PHIP: variants seen among roughly 807,000 people sequenced by gnomAD.
PHIP encodes the protein PHIP subunit of CUL4-Ring ligase complex.
In PHIP, 54 loss-of-function variants were observed where a neutral mutation model predicts 236.8. The ratio of observed to expected loss-of-function variants is 0.23; its 90% CI spans 0.18 to 0.29. The LOEUF (loss-of-function observed/expected upper bound fraction) is 0.29. Among genes scored for constraint, PHIP ranks in the 10% least tolerant of loss-of-function variants. PHIP has a pLI of 1.00. For synonymous variants in PHIP, 756 were observed against 718.9 expected, an observed-to-expected ratio of 1.05 and a Z score of -0.83; for missense variants, 1,370 against 2,190.8, an observed-to-expected ratio of 0.63 and a Z score of 7.48.
intron 33 of PHIP, among the ~76,000 whole-genome samples, 153 bp from the exon 34 acceptor site, chr6:78,955,435 T>A (rs576525698): frequency 7.9e-5 from 12 of 151,878 alleles, no homozygotes; most frequent in Non-Finnish European, 1.6e-4. Flanking sequence ...GTTCCCCCCA[T>A]TAAAAAATTT....
At chr6:79,047,589 TAAGC>T (rs1772566849) in intron 6 of PHIP, among the ~76,000 whole-genome samples, 1 of 152,208 alleles carries the variant, frequency 6.6e-6, no homozygotes, top group Admixed American at 6.5e-5. Context: ...ATGGAGACTT[TAAGC>T]AAGTTACTCG....
intron 21 of PHIP, 85 bp downstream of exon 21, chr6:78,988,124 A>T: frequency 1.0e-6 from 1 of 985,246 alleles, no homozygotes; most frequent in Non-Finnish European, 1.4e-6. Flanking sequence ...ATCTACAAAC[A>T]TATCAATAAA....
chr6:78,995,008 C>T (rs760585543), intron 19 of PHIP, among the ~76,000 whole-genome samples: 1 of 152,218 alleles, frequency 6.6e-6, no homozygotes, highest in Non-Finnish European at 1.5e-5. Context: ...CTTTACTGCA[C>T]TGGTCTGAAA....
chr6:78,956,548 CT>C, intron 32 of PHIP: 1 of 152,186 alleles, frequency 6.6e-6, no homozygotes, highest in South Asian at 2.1e-4. Context: ...GCTCTCAGAG[CT>C]TATATTTTAG....
intron 6 of PHIP, among the ~76,000 whole-genome samples, chr6:79,053,549 G>C (rs9350801): frequency 0.26 from 40,062 of 151,976 alleles, 5,633 homozygotes; most frequent in Non-Finnish European, 0.31. Flanking sequence ...TCCTTATGGA[G>C]CTGAACAAAT....
At chr6:79,021,349 T>C (rs1430845163) in intron 9 of PHIP, among the ~76,000 whole-genome samples, 2 of 152,216 alleles carry the variant, frequency 1.3e-5, no homozygotes, top group Non-Finnish European at 2.9e-5. Flanking sequence ...AGTTTTACCA[T>C]GTTGGCCAGG....
At chr6:78,987,906 C>T (rs980371370) in intron 21 of PHIP, among the ~76,000 whole-genome samples, 3 of 152,172 alleles carry the variant, frequency 2.0e-5, no homozygotes, top group African/African-American at 7.2e-5. Context: ...AACAAACTTG[C>T]ATTTAATCCC....
chr6:78,954,749 C>G (rs1040490968), intron 35 of PHIP, 65 bp downstream of exon 35: 16 of 951,256 alleles, frequency 1.7e-5, no homozygotes, highest in Non-Finnish European at 2.3e-5. Context: ...CTAAAATAGC[C>G]AACTGTCATG....
At position 78,938,380 on chromosome 6, in the gene PHIP, T is replaced by C. The variant is rs1422660571; in HGVS notation, c.*2313A>G. On this transcript the variant is annotated 3_prime_UTR_variant, in exon 40 of 40. Coordinates refer to ENST00000275034, the MANE Select transcript of PHIP (RefSeq NM_017934.7). ...TAACACATACACTGTACTAGAGGTA[T>C]ATTCCACTCTAAGACTGTGTACGCT... 1.3e-5 allele frequency: 2 copies of C among 151,648 alleles called. No individual in the cohort carries two copies. Among genetic ancestry groups the C allele is most frequent in the African/African-American group, 4.8e-5 (2 of 41,422 alleles). 9.4% of individuals were successfully genotyped at this position (151,648 alleles called of 1,614,324 possible).
chr6:79,011,288 G>A (rs938626896), intron 15 of PHIP, among the ~76,000 whole-genome samples: 9 of 151,744 alleles, frequency 5.9e-5, no homozygotes, highest in South Asian at 4.1e-4. Context: ...CAGTTGATTC[G>A]TAAAGAAATA....
intron 4 of PHIP, among the ~76,000 whole-genome samples, chr6:79,074,191 A>T (rs184885898): frequency 2.0e-5 from 3 of 152,260 alleles, no homozygotes; most frequent in Non-Finnish European, 2.9e-5. Context: ...TAAGAAAGGC[A>T]AGTATCACTA....
intron 23 of PHIP, among the ~76,000 whole-genome samples, chr6:78,979,052 G>A (rs987871175): frequency 8.5e-5 from 13 of 152,094 alleles, no homozygotes; most frequent in Admixed American, 6.6e-4. Context: ...GTATATAGGA[G>A]ACTGTGTGTA....
chr6:79,054,200 G>A (rs1032025744), intron 6 of PHIP, among the ~76,000 whole-genome samples: 1 of 150,660 alleles, frequency 6.6e-6, no homozygotes, highest in Non-Finnish European at 1.5e-5. Context: ...GAAATAGAAA[G>A]GCAGGGGAGG....
chr6:79,026,417 T>C (rs1311677569), intron 7 of PHIP, among the ~76,000 whole-genome samples: 1 of 151,604 alleles, frequency 6.6e-6, no homozygotes, highest in Non-Finnish European at 1.5e-5. Context: ...CTATCTACTA[T>C]CAAAGTACCC....
At position 78,966,667 on chromosome 6, in the gene PHIP, G is replaced by A. The variant is rs552286938; in HGVS notation, c.3206-611C>T. Among the ~76,000 whole-genome samples the A allele has an allele frequency of 6.6e-5, 10 of 152,246 alleles. No homozygotes were observed. In the South Asian group the frequency reaches 1.5e-3, roughly 22 times the overall value. On this transcript the variant is annotated intron_variant, in intron 27 of 39. Coordinates refer to ENST00000275034, the MANE Select transcript of PHIP (RefSeq NM_017934.7). ...TCTATTTCCTTATCCAATTGCTGTC[G>A]TCGTATTACTTAACCTGCTTTTTCC...
rs36155238 is a variant in PHIP at position 78,940,548 on chromosome 6, GTT to G, written c.*143_*144del. On this transcript the variant is annotated 3_prime_UTR_variant, in exon 40 of 40. Coordinates refer to ENST00000275034, the MANE Select transcript of PHIP (RefSeq NM_017934.7). ...AAGAAGTGAAGTGTCTCGTAAGTTT[GTT>G]TTTTTTTTTTTTTTTTTTTTTGCAA... The G allele has an allele frequency of 0.081, 6,664 of 81,940 alleles. 21 individuals carry two copies. Among genetic ancestry groups the G allele is most frequent in the Non-Finnish European group, 0.11 (5,369 of 47,388 alleles). 5.1% of individuals were successfully genotyped at this position (81,940 alleles called of 1,614,324 possible).
chr6:79,030,878 T>C (rs190720636), intron 7 of PHIP, among the ~76,000 whole-genome samples: 1 of 152,264 alleles, frequency 6.6e-6, no homozygotes, highest in Non-Finnish European at 1.5e-5. Flanking sequence ...TGTGCTATTG[T>C]TTAATCACAA....
At chr6:78,944,570 G>A (rs903707399) in intron 39 of PHIP, among the ~76,000 whole-genome samples, 3 of 152,132 alleles carry the variant, frequency 2.0e-5, no homozygotes, top group African/African-American at 7.2e-5. Flanking sequence ...AAAAGCTGTT[G>A]AACAGATTCA....
intron 24 of PHIP, among the ~76,000 whole-genome samples, chr6:78,973,142 G>A (rs963452140): frequency 2.0e-5 from 3 of 152,146 alleles, no homozygotes; most frequent in Admixed American, 6.5e-5. Context: ...GTCGGGTTAC[G>A]CTCAAAGGGA....
Sources: gnomAD v4.1 joint callset for allele counts (sites outside exome capture counted in the v4.1 genomes callset) on GRCh38, gnomAD v4.1.1 for gene constraint, MANE v1.5 for transcripts, NCBI Gene and HGNC (gene_info 2026-07-23, HGNC 2026-07-21) for gene names.